Variants in PARP15 observed in about 807,000 individuals in gnomAD.
PARP15 encodes protein mono-ADP-ribosyltransferase PARP15.
In PARP15, 50 loss-of-function variants were observed where a neutral mutation model predicts 62.1. The observed-to-expected ratio is 0.81, with a 90% CI of 0.64 to 1.02. The LOEUF (loss-of-function observed/expected upper bound fraction) is 1.02. PARP15 is among the 50% of genes least tolerant of loss of function. PARP15 has a pLI of 0.00. For synonymous variants in PARP15, 309 were observed against 293.1 expected (o/e 1.05, Z -0.55); for missense variants, 820 against 826.5 (o/e 0.99, Z 0.10).
intron 1 of PARP15, among the ~76,000 whole-genome samples, chr3:122,602,766 T>C (rs945672987): frequency 6.6e-6 from 1 of 152,242 alleles, no homozygotes; most frequent in Non-Finnish European, 1.5e-5. Context: ...TTTTCAATAT[T>C]ACAACGAATG....
chr3:122,596,452 A>G (rs1934363583), intron 1 of PARP15, among the ~76,000 whole-genome samples: 1 of 150,464 alleles, frequency 6.6e-6, no homozygotes, highest in Non-Finnish European at 1.5e-5. Flanking sequence ...TGCATTACCC[A>G]TGGCCTTTCC....
At chr3:122,635,301 C>A in intron 11 of PARP15, 107 bp downstream of exon 11, 2 of 957,116 alleles carry the variant, frequency 2.1e-6, no homozygotes, top group Non-Finnish European at 1.5e-6. Context: ...TTATCACTGT[C>A]AGAATAGAGC....
chr3:122,593,409 T>C (rs374247621), intron 1 of PARP15, among the ~76,000 whole-genome samples: 13 of 152,256 alleles, frequency 8.5e-5, no homozygotes, highest in East Asian at 1.9e-4. Flanking sequence ...CCCAAAGTGT[T>C]GGGATTACAG....
intron 3 of PARP15, among the ~76,000 whole-genome samples, chr3:122,611,885 T>C (rs978109647): frequency 1.3e-5 from 2 of 151,850 alleles, no homozygotes; most frequent in Non-Finnish European, 2.9e-5. Context: ...TGGCTAATTT[T>C]GTATTTTTAG....
intron 1 of PARP15, chr3:122,594,426 A>G (rs1414371058): frequency 4.5e-6 from 2 of 440,840 alleles, no homozygotes; most frequent in Admixed American, 6.4e-5. Context: ...AACAATTATT[A>G]CTATTATCAT....
intron 9 of PARP15, among the ~76,000 whole-genome samples, chr3:122,631,543 A>T (rs1400294350): frequency 6.6e-6 from 1 of 152,222 alleles, no homozygotes; most frequent in Non-Finnish European, 1.5e-5. Context: ...CCAGGAAGCC[A>T]CTGAAAACAA....
At chr3:122,620,855 CAG>C (rs1415216173) in intron 7 of PARP15, among the ~76,000 whole-genome samples, 1 of 152,218 alleles carries the variant, frequency 6.6e-6, no homozygotes, top group Non-Finnish European at 1.5e-5. Flanking sequence ...CAGCCTTACT[CAG>C]AGCAGTCTGA....
Position 122,613,287 on chromosome 3 carries a change from T to C in PARP15, c.771+19T>C. ...CTGTCAGGTATGGTTACATATCCCA[T>C]CTGGTTAATTCTGGCAAGTGAACCC... On this transcript the variant is annotated intron_variant, in intron 4 of 11. Transcript: ENST00000464300. The C allele has an allele frequency of 6.6e-7, 1 of 1,506,896 alleles. No individual in the cohort carries two copies. The highest frequency in any genetic ancestry group is 2.5e-5 in the East Asian group (1 of 40,684). 93.3% of individuals were successfully genotyped at this position (1,506,896 alleles called of 1,614,324 possible). A position where few individuals can be genotyped will look rare whatever the true frequency, so the allele number is the denominator to read the frequency against.
intron 1 of PARP15, among the ~76,000 whole-genome samples, chr3:122,582,093 T>C (rs1335233281): frequency 6.6e-6 from 1 of 152,266 alleles, no homozygotes; most frequent in African/African-American, 2.4e-5. Flanking sequence ...ACATTTCTTA[T>C]AGCACTGGTC....
chr3:122,592,706 T>C (rs1934021418), intron 1 of PARP15, among the ~76,000 whole-genome samples: 1 of 152,130 alleles, frequency 6.6e-6, no homozygotes, highest in Non-Finnish European at 1.5e-5. Flanking sequence ...TAAACTAATG[T>C]TAACTCTTTT....
chr3:122,605,454 A>G (rs370717490), intron 1 of PARP15, among the ~76,000 whole-genome samples: 6 of 152,272 alleles, frequency 3.9e-5, no homozygotes, highest in African/African-American at 1.2e-4. Flanking sequence ...TTCAAACATT[A>G]TAATAATAAA....
At chr3:122,588,162 G>C (rs9843522) in intron 1 of PARP15, among the ~76,000 whole-genome samples, 36 of 152,100 alleles carry the variant, frequency 2.4e-4, no homozygotes, top group Non-Finnish European at 3.5e-4. Context: ...TTTTATAGTT[G>C]ATCATGTTAG....
Position 122,636,082 on chromosome 3 carries a change from C to T in PARP15, c.2019C>T (p.Leu673=), listed in dbSNP as rs1196856077. Residue 673 remains leucine (L), a synonymous_variant, in exon 12 of 12, where the codon CTC becomes CTT. Transcript: ENST00000464300. ...ATAATCAGGCTTACCCAGAATATCT[C>T]ATAACTTTCACGGCTTAAAAATATT... ...FFDNQAYPEY[L]ITFTA 1.9e-6 allele frequency: 3 copies of T among 1,610,096 alleles called. No homozygotes were observed. The highest frequency in any genetic ancestry group is 2.7e-5 in the African/African-American group (2 of 74,786).
In PARP15 at chr3:122,577,652, T is replaced by C. The variant is rs1576463169; in HGVS notation, c.-16T>C. 1.3e-6 allele frequency: 2 copies of C among 1,551,268 alleles called. No individual in the cohort carries two copies. The highest frequency in any genetic ancestry group is 1.4e-5 in the African/African-American group (1 of 73,032). On this transcript the variant is annotated 5_prime_UTR_variant, in exon 1 of 12. Coordinates refer to ENST00000464300, the MANE Select transcript of PARP15 (RefSeq NM_001113523.3). ...CCTGTTGGGTGGGGCGCAACTGCAG[T>C]CCCAGCGAGCTGAGGATGGCTGCGC...
Position 122,582,868 on chromosome 3 carries a change from A to T in PARP15, c.186+5015A>T, listed in dbSNP as rs372465258. Among the ~76,000 whole-genome samples, 103 of 152,092 alleles carry T rather than the reference A, an allele frequency of 6.8e-4. 2 individuals are homozygous for T. The South Asian group carries it at 0.021, about 31-fold the overall frequency. On this transcript the variant is annotated intron_variant, in intron 1 of 11. Transcript: ENST00000464300. ...TGCATAGTTTCCATTGCTGTGACTT[A>T]AATTTCACTTGTCTTTTGTTTCTGC...
Position 122,626,984 on chromosome 3 carries a change from A to G in PARP15, c.1389A>G (p.Arg463=). 6.2e-7 allele frequency: 1 copy of G among 1,614,050 alleles called. No homozygotes were observed. The highest frequency in any genetic ancestry group is 8.5e-7 in the Non-Finnish European group (1 of 1,179,980). Residue 463 remains arginine (R), a synonymous_variant, in exon 9 of 12, where the codon AGA becomes AGG. Transcript: ENST00000464300. Reference sequence around the variant, plus strand: ...TATTCTACGACAGCATGAAAAAAAGAGACCTCTCTGCATCACTGAACTTTC... The same window carrying G: ...TATTCTACGACAGCATGAAAAAAAGGGACCTCTCTGCATCACTGAACTTTC... The part of the protein sequence containing the change: ...LNIFYDSMKK[R]DLSASLNFQS...
At chr3:122,596,621 T>G (rs1396491345) in intron 1 of PARP15, among the ~76,000 whole-genome samples, 2 of 152,166 alleles carry the variant, frequency 1.3e-5, no homozygotes, top group Non-Finnish European at 2.9e-5. Context: ...AAATAAAACA[T>G]AAAGCATTTA....
At chr3:122,624,544 TG>T (rs1936566937) in intron 8 of PARP15, among the ~76,000 whole-genome samples, 2 of 152,348 alleles carry the variant, frequency 1.3e-5, no homozygotes, top group African/African-American at 4.8e-5. Context: ...AGACTTCACT[TG>T]CACAGGCTTT....
intron 1 of PARP15, among the ~76,000 whole-genome samples, chr3:122,587,562 C>T (rs1310407178): frequency 3.3e-5 from 5 of 152,084 alleles, no homozygotes; most frequent in Admixed American, 6.6e-5. Context: ...GCTGGGGTCT[C>T]GCTCTGTCCC....
Sources: allele counts gnomAD v4.1 joint callset (sites outside exome capture counted in the v4.1 genomes callset), GRCh38; gene constraint gnomAD v4.1.1; transcripts MANE v1.5; gene names NCBI Gene and HGNC (gene_info 2026-07-23, HGNC 2026-07-21).